The following CNTNAP5 variants were observed in gnomAD, a reference collection of about 807,000 sequenced individuals.
The protein encoded by CNTNAP5 is contactin associated protein family member 5.
Under a neutral mutation model 150.2 loss-of-function variants are expected in CNTNAP5, and 72 were observed. The observed-to-expected ratio is 0.48, with a 90% CI of 0.40 to 0.58. The LOEUF is 0.58. CNTNAP5 is among the 20% of genes least tolerant of loss of function. CNTNAP5 has a pLI of 0.00. For synonymous variants in CNTNAP5, 672 were observed against 619.8 expected, an observed-to-expected ratio of 1.08 and a Z score of -1.25; for missense variants, 1,636 against 1,626.2, an observed-to-expected ratio of 1.01 and a Z score of -0.10.
intron 1 of CNTNAP5, among the ~76,000 whole-genome samples, chr2:124,078,320 G>A (rs1682485087): frequency 6.6e-6 from 1 of 152,260 alleles, no homozygotes; most frequent in African/African-American, 2.4e-5. Flanking sequence ...TTATGCACTT[G>A]TAATAGCTTA....
intron 1 of CNTNAP5, among the ~76,000 whole-genome samples, chr2:124,140,378 T>A (rs1364605187): frequency 2.0e-5 from 3 of 150,696 alleles, no homozygotes; most frequent in African/African-American, 7.3e-5. Context: ...TCTGCAGACT[T>A]AAGTGTCCCT....
At position 124,414,119 on chromosome 2, in the gene CNTNAP5, CT is replaced by C. The variant is rs80216750; in HGVS notation, c.382-3308del. On this transcript the variant is annotated intron_variant, in intron 3 of 23. Transcript: ENST00000682447. ...TTTACTTTCAGTATTTTTGGATTTCCTTTTTTTTTTTTTTTTCTGATGAGTA... is the reference window on the plus strand; with the variant it reads ...TTTACTTTCAGTATTTTTGGATTTCCTTTTTTTTTTTTTTTCTGATGAGTA... Among the ~76,000 whole-genome samples the C allele has an allele frequency of 5.6e-3, 694 of 124,210 alleles. 3 individuals carry two copies. Among genetic ancestry groups the C allele is most frequent in the African/African-American group, 0.016 (542 of 33,844 alleles). The allele number at this position is 124,210 out of a possible 152,430, so 81.5% of individuals were successfully genotyped here.
intron 13 of CNTNAP5, among the ~76,000 whole-genome samples, chr2:124,672,738 C>T (rs1011820452): frequency 6.6e-6 from 1 of 152,066 alleles, no homozygotes; most frequent in Non-Finnish European, 1.5e-5. Flanking sequence ...AAAAATCTCT[C>T]CTATAAATAT....
At chr2:124,121,670 C>T (rs768876865) in intron 1 of CNTNAP5, among the ~76,000 whole-genome samples, 15 of 152,208 alleles carry the variant, frequency 9.9e-5, no homozygotes, top group East Asian at 3.9e-4. Context: ...TTTTAAGACA[C>T]GAGACGTACC....
At chr2:124,308,910 G>A (rs1386700548) in intron 3 of CNTNAP5, among the ~76,000 whole-genome samples, 1 of 152,124 alleles carries the variant, frequency 6.6e-6, no homozygotes, top group Admixed American at 6.6e-5. Context: ...CAACTCACCA[G>A]TCAAGCTGCA....
intron 3 of CNTNAP5, among the ~76,000 whole-genome samples, chr2:124,263,723 T>C (rs948618622): frequency 6.6e-6 from 1 of 152,188 alleles, no homozygotes; most frequent in Admixed American, 6.5e-5. Flanking sequence ...AGCCCTTGCC[T>C]ATGCCTATGT....
At chr2:124,713,168 C>T (rs1432561802) in intron 13 of CNTNAP5, among the ~76,000 whole-genome samples, 1 of 134,558 alleles carries the variant, frequency 7.4e-6, no homozygotes, top group African/African-American at 3.0e-5. Flanking sequence ...CCCTCCCTCC[C>T]TCTCTCTTTT....
At chr2:124,445,930 A>G (rs565686614) in intron 5 of CNTNAP5, among the ~76,000 whole-genome samples, 38 of 152,274 alleles carry the variant, frequency 2.5e-4, no homozygotes, top group African/African-American at 8.9e-4. Context: ...ATAGCCAGGG[A>G]CTTCCATAAA....
chr2:124,839,454 C>T (rs1432691925), intron 19 of CNTNAP5, among the ~76,000 whole-genome samples: 1 of 151,092 alleles, frequency 6.6e-6, no homozygotes, highest in African/African-American at 2.4e-5. Context: ...TCTCCCTTTC[C>T]CCCTCTCTCT....
At chr2:124,817,368 A>G (rs995644371) in intron 19 of CNTNAP5, among the ~76,000 whole-genome samples, 1 of 152,136 alleles carries the variant, frequency 6.6e-6, no homozygotes, top group Non-Finnish European at 1.5e-5. Context: ...ATTTATTTGC[A>G]CTTTTATAGA....
intron 13 of CNTNAP5, among the ~76,000 whole-genome samples, chr2:124,648,652 A>G (rs766542295): frequency 6.6e-6 from 1 of 152,236 alleles, no homozygotes; most frequent in African/African-American, 2.4e-5. Flanking sequence ...AAACAAAACA[A>G]AACACAACAA....
At chr2:124,538,412 A>T (rs1695291672) in intron 10 of CNTNAP5, among the ~76,000 whole-genome samples, 1 of 152,080 alleles carries the variant, frequency 6.6e-6, no homozygotes, top group Non-Finnish European at 1.5e-5. Context: ...CAGGATGTAG[A>T]GGATGCAGTG....
chr2:124,435,670 TA>T (rs895529004), intron 5 of CNTNAP5, among the ~76,000 whole-genome samples: 1 of 152,192 alleles, frequency 6.6e-6, no homozygotes, highest in African/African-American at 2.4e-5. Context: ...TTTGTAACCC[TA>T]AGTTGCATGG....
At chr2:124,769,114 C>T (rs1335431666) in intron 16 of CNTNAP5, among the ~76,000 whole-genome samples, 2 of 152,008 alleles carry the variant, frequency 1.3e-5, no homozygotes, top group Admixed American at 1.3e-4. Context: ...GTGGTTCCGT[C>T]TTCATGGAGC....
At chr2:124,872,689 A>G (rs111312952) in intron 21 of CNTNAP5, among the ~76,000 whole-genome samples, 5 of 151,924 alleles carry the variant, frequency 3.3e-5, no homozygotes, top group Non-Finnish European at 7.4e-5. Context: ...TAACCAAATT[A>G]AAACACCCTT....
intron 3 of CNTNAP5, among the ~76,000 whole-genome samples, chr2:124,408,350 A>T (rs1352023926): frequency 6.6e-6 from 1 of 152,206 alleles, no homozygotes; most frequent in East Asian, 1.9e-4. Flanking sequence ...TAAACAAAGC[A>T]GCCGGGAAGC....
intron 3 of CNTNAP5, among the ~76,000 whole-genome samples, chr2:124,278,189 T>C (rs1051521065): frequency 6.6e-6 from 1 of 152,120 alleles, no homozygotes; most frequent in Non-Finnish European, 1.5e-5. Flanking sequence ...ATCAAGGCAA[T>C]GGACCCAATG....
intron 19 of CNTNAP5, among the ~76,000 whole-genome samples, chr2:124,839,654 C>A (rs1157454184): frequency 2.0e-5 from 3 of 152,038 alleles, no homozygotes; most frequent in Non-Finnish European, 4.4e-5. Context: ...CTACTCTGTT[C>A]TTAAGAACAT....
intron 10 of CNTNAP5, among the ~76,000 whole-genome samples, chr2:124,532,378 A>G (rs1297755326): frequency 6.6e-6 from 1 of 152,152 alleles, no homozygotes; most frequent in Non-Finnish European, 1.5e-5. Flanking sequence ...GAGTGGAGTA[A>G]GGTGAGCCAG....
Sources: gnomAD v4.1 joint callset for allele counts (sites outside exome capture counted in the v4.1 genomes callset) on GRCh38, gnomAD v4.1.1 for gene constraint, MANE v1.5 for transcripts, NCBI Gene and HGNC (gene_info 2026-07-23, HGNC 2026-07-21) for gene names.